The following C9orf50 variants were observed in gnomAD, a reference collection of about 807,000 sequenced individuals.
C9orf50 encodes uncharacterized protein C9orf50.
A neutral mutation model predicts 42.5 loss-of-function variants in C9orf50; 33 were observed. The ratio of observed to expected loss-of-function variants is 0.78; its 90% CI spans 0.59 to 1.04. The LOEUF (loss-of-function observed/expected upper bound fraction) is 1.04, where lower values mean the gene tolerates loss of function less well. C9orf50 is among the 50% of genes least tolerant of loss of function. The pLI is 0.00. For missense variants in C9orf50, 547 were observed against 594.3 expected, an observed-to-expected ratio of 0.92 and a Z score of 0.83; for synonymous variants, 257 against 273.4, an observed-to-expected ratio of 0.94 and a Z score of 0.59.
At chr9:129,616,207 G>T (rs1460046991) in intron 3 of C9orf50, among the ~76,000 whole-genome samples, 1 of 152,110 alleles carries the variant, frequency 6.6e-6, no homozygotes, top group Non-Finnish European at 1.5e-5. Flanking sequence ...CTAACAGGGA[G>T]CTGTTTTTTG....
upstream of C9orf50, chr9:129,620,833 A>G (rs542692917): frequency 7.6e-5 from 28 of 370,704 alleles, no homozygotes; most frequent in Non-Finnish European, 9.6e-6. This position sits in a 1 kb window ranked among gnomAD's most constrained non-coding sequence, Gnocchi z 5.8. Context: ...ATGAGCAAGT[A>G]CATGCCAGTC....
intron 3 of C9orf50, among the ~76,000 whole-genome samples, chr9:129,616,574 T>C (rs1362412592): frequency 2.0e-5 from 3 of 152,170 alleles, no homozygotes; most frequent in African/African-American, 7.2e-5. Flanking sequence ...CCCAGCCACG[T>C]GGCCTTTGGT....
chr9:129,619,681 C>T, intron 2 of C9orf50, 45 bp from the exon 3 acceptor site: 1 of 1,611,216 alleles, frequency 6.2e-7, no homozygotes, highest in Non-Finnish European at 8.5e-7. Flanking sequence ...GCCAGGCTGT[C>T]CCGCCCTGGA....
upstream of C9orf50, among the ~76,000 whole-genome samples, chr9:129,621,273 A>G (rs1830695546): frequency 6.6e-6 from 1 of 152,148 alleles, no homozygotes; most frequent in South Asian, 2.1e-4. Flanking sequence ...TGTTGAAAAT[A>G]CAGATGACTT....
chr9:129,613,327 G>A lies in C9orf50; in HGVS notation c.1044-76C>T. ...ACCCATGGCTGGCAGGGCCCTTGAG[G>A]ACCCACACTGGCAACCCGCCTGCTG... On this transcript the variant is annotated intron_variant, in intron 5 of 6. Transcript: ENST00000372478. This position sits in a 1 kb window ranked among gnomAD's most constrained non-coding sequence, Gnocchi z 6.2. The A allele has an allele frequency of 1.3e-6, 2 of 1,565,346 alleles. No individual in the cohort carries two copies. Among genetic ancestry groups the A allele is most frequent in the Non-Finnish European group, 1.7e-6 (2 of 1,154,560 alleles).
exon 7 of C9orf50, chr9:129,612,300 C>T: frequency 6.6e-7 from 1 of 1,514,850 alleles, no homozygotes. Context: ...AAGGACGCTC[C>T]TCATTGCCTG....
At chr9:129,621,683 A>T (rs1457513723), upstream of C9orf50, among the ~76,000 whole-genome samples, 1 of 152,056 alleles carries the variant, frequency 6.6e-6, no homozygotes, top group Non-Finnish European at 1.5e-5. Flanking sequence ...ACAGACTTTT[A>T]ACAAACTCCC....
chr9:129,617,626 A>G (rs1434193588), intron 3 of C9orf50, among the ~76,000 whole-genome samples: 1 of 152,076 alleles, frequency 6.6e-6, no homozygotes, highest in Non-Finnish European at 1.5e-5. Flanking sequence ...AGTCATGTGT[A>G]TATTTGGCCT....
intron 3 of C9orf50, 61 bp from the exon 4 acceptor site, chr9:129,615,708 C>T: frequency 2.7e-6 from 4 of 1,463,644 alleles, no homozygotes; most frequent in Non-Finnish European, 3.6e-6. Flanking sequence ...CACACACGCA[C>T]CAGCCCCAGA....
At position 129,620,588 on chromosome 9, in the gene C9orf50, C is replaced by T. The variant is rs775731906; in HGVS notation, c.-14G>A. 13 of 1,328,292 alleles carry T rather than the reference C, an allele frequency of 9.8e-6. No homozygotes were observed. The highest frequency in any genetic ancestry group is 1.5e-5 in the African/African-American group (1 of 66,398). 82.3% of individuals were successfully genotyped at this position (1,328,292 alleles called of 1,614,324 possible). ...ACGCCAGAACATGCTTGGCCCCGCACTCAGCTCACCGCACCCTCAGCGCGC... is the reference window on the plus strand; with the variant it reads ...ACGCCAGAACATGCTTGGCCCCGCATTCAGCTCACCGCACCCTCAGCGCGC... On this transcript the variant is annotated 5_prime_UTR_variant, in exon 1 of 7. It adds an upstream start codon to the 5' untranslated region. Coordinates refer to ENST00000372478, the Ensembl canonical transcript of C9orf50. The surrounding 1 kb of genome is among the most constrained non-coding windows in gnomAD (Gnocchi z 5.8).
chr9:129,620,319 C>T lies in C9orf50; in HGVS notation c.256G>A (p.Ala86Thr), dbSNP rs1455476972. ...CGCTTCCGCACGGCCCGCCGGGTCG[C>T]GGTGAGCAAGGCGGGCAGGCGCGGC... The change falls in exon 1 of 7, where the codon GCG becomes ACG. Residue 86 changes from alanine to threonine, a missense_variant. Transcript: ENST00000372478. This position sits in a 1 kb window ranked among gnomAD's most constrained non-coding sequence, Gnocchi z 5.8. 1 of 1,238,362 alleles carries T rather than the reference C, an allele frequency of 8.1e-7. No individual in the cohort carries two copies. Among genetic ancestry groups the T allele is most frequent in the East Asian group, 3.2e-5 (1 of 31,180 alleles). 76.7% of individuals were successfully genotyped at this position (1,238,362 alleles called of 1,614,324 possible). A position where few individuals can be genotyped will look rare whatever the true frequency, so the allele number is the denominator to read the frequency against.
chr9:129,619,841 G>A lies in C9orf50; in HGVS notation c.509-11C>T, dbSNP rs759625628. 1 of 1,613,800 alleles carries A rather than the reference G, an allele frequency of 6.2e-7. No homozygotes were observed. Among genetic ancestry groups the A allele is most frequent in the Non-Finnish European group, 8.5e-7 (1 of 1,179,682 alleles). ...GCGGTGCTGGGGATGCTGGAGCCAG[G>A]AGGAAACAGTTGTGAGCCTTGGCTG... On this transcript the variant is annotated splice_polypyrimidine_tract_variant and intron_variant, in intron 1 of 6. Coordinates refer to ENST00000372478, the Ensembl canonical transcript of C9orf50.
At chr9:129,619,383 G>T in intron 3 of C9orf50, 137 bp downstream of exon 3, 2 of 687,642 alleles carry the variant, frequency 2.9e-6, no homozygotes, top group Admixed American at 2.4e-5. Flanking sequence ...TCTGATTCAC[G>T]GACAGCCATA....
chr9:129,621,368 G>C (rs972235025), upstream of C9orf50, among the ~76,000 whole-genome samples: 1 of 152,056 alleles, frequency 6.6e-6, no homozygotes, highest in East Asian at 1.9e-4. Flanking sequence ...AAAGAGATGG[G>C]GTCTTGCTAA....
upstream of C9orf50, among the ~76,000 whole-genome samples, chr9:129,621,067 C>A (rs1422174623): frequency 6.6e-6 from 1 of 152,254 alleles, no homozygotes; most frequent in South Asian, 2.1e-4. Flanking sequence ...TCTCTGCAGC[C>A]GTGAAACGGC....
chr9:129,620,226 T>A lies in C9orf50; in HGVS notation c.349A>T (p.Arg117Trp). ...TCGCGCTCTCCAGGCCCTGGCTGCCTGGGCGCCGATTCCCGGGACGCGCCG... is the reference window on the plus strand; with the variant it reads ...TCGCGCTCTCCAGGCCCTGGCTGCCAGGGCGCCGATTCCCGGGACGCGCCG... Residue 117 changes from arginine to tryptophan, a missense_variant, in exon 1 of 7, where the codon AGG becomes TGG. Arg to Trp is a moderately radical substitution (Grantham distance 101, BLOSUM62 -3). This residue lies in a region of C9orf50 where 108 missense variants were observed against 172.1 expected (regional missense o/e 0.63). Coordinates refer to ENST00000372478, the Ensembl canonical transcript of C9orf50. This position sits in a 1 kb window ranked among gnomAD's most constrained non-coding sequence, Gnocchi z 5.8. 7.4e-7 allele frequency: 1 copy of A among 1,348,592 alleles called. No homozygotes were observed. Among genetic ancestry groups the A allele is most frequent in the Non-Finnish European group, 9.6e-7 (1 of 1,044,070 alleles). 83.5% of individuals were successfully genotyped at this position (1,348,592 alleles called of 1,614,324 possible).
upstream of C9orf50, among the ~76,000 whole-genome samples, chr9:129,621,034 T>C (rs1218955525): frequency 6.6e-6 from 1 of 152,212 alleles, no homozygotes; most frequent in Non-Finnish European, 1.5e-5. Context: ...GTCTGCAGAA[T>C]GGGGATAATA....
intron 3 of C9orf50, among the ~76,000 whole-genome samples, chr9:129,616,114 G>T (rs1488801171): frequency 2.0e-5 from 3 of 152,134 alleles, no homozygotes; most frequent in South Asian, 4.1e-4. Context: ...GAATCATTGT[G>T]CCCACCCTAC....
At chr9:129,612,405 C>A in exon 7 of C9orf50, 1 of 1,612,902 alleles carries the variant, frequency 6.2e-7, no homozygotes. Flanking sequence ...CCCCTTAGGG[C>A]AGCCTTGCTT....
Sources: gnomAD v4.1 joint callset for allele counts (sites outside exome capture counted in the v4.1 genomes callset) on GRCh38, gnomAD v4.1.1 for gene constraint, gnomAD v4.1.1 regional missense constraint, Gnocchi (gnomAD v3.1) non-coding constraint, MANE v1.5 for transcripts, NCBI Gene and HGNC (gene_info 2026-07-23, HGNC 2026-07-21) for gene names.